Variants in ZFYVE16 observed in about 807,000 individuals in gnomAD.
The protein encoded by ZFYVE16 is zinc finger FYVE domain-containing protein 16.
ZFYVE16 carries 89 observed loss-of-function variants against 138.1 expected under a neutral mutation model. The observed-to-expected ratio is 0.64, with a 90% CI of 0.54 to 0.77. The LOEUF is 0.77. ZFYVE16 is among the 30% of genes least tolerant of loss of function. The pLI, the probability that ZFYVE16 is intolerant of heterozygous loss-of-function variation, is 0.00. For synonymous variants in ZFYVE16, 596 were observed against 618.3 expected (o/e 0.96, Z 0.53); for missense variants, 1,793 against 1,786.7 (o/e 1.00, Z -0.06).
Position 80,438,684 on chromosome 5 carries a change from A to G in ZFYVE16, c.1999A>G (p.Lys667Glu). The change falls in exon 4 of 19, where the codon AAG becomes GAG. Residue 667 changes from lysine (K) to glutamate (E), a missense_variant. Physicochemically the swap from Lys to Glu is moderately conservative, Grantham distance 56 (BLOSUM62 1). This residue lies in a region of ZFYVE16 where 1,295 missense variants were observed against 1,204.3 expected (regional missense o/e 1.08). Transcript: ENST00000505560. ...AACAAGGAGTTCAAAGGACCTGAAT[A>G]AGCCAGATGTTCCAGATACAATAGA... Reference protein sequence around the residue: ...SRTRSSKDLNKPDVPDTIESE... With the variant: ...SRTRSSKDLNEPDVPDTIESE... 1 of 1,614,156 alleles carries G rather than the reference A, an allele frequency of 6.2e-7. No homozygotes were observed. The highest frequency in any genetic ancestry group is 8.5e-7 in the Non-Finnish European group (1 of 1,179,992).
chr5:80,458,725 T>C (rs1161170498), intron 14 of ZFYVE16, among the ~76,000 whole-genome samples: 1 of 152,178 alleles, frequency 6.6e-6, no homozygotes, highest in African/African-American at 2.4e-5. Flanking sequence ...GTAAGATAAA[T>C]TCCCAAAAGT....
At chr5:80,469,873 G>A (rs1754132551) in intron 15 of ZFYVE16, among the ~76,000 whole-genome samples, 1 of 151,232 alleles carries the variant, frequency 6.6e-6, no homozygotes, top group African/African-American at 2.4e-5. Context: ...GTTTTAGTTA[G>A]ATTGTACTTT....
chr5:80,428,283 A>G (rs1013338389), intron 2 of ZFYVE16, among the ~76,000 whole-genome samples: 30 of 152,176 alleles, frequency 2.0e-4, no homozygotes, highest in African/African-American at 7.2e-4. Flanking sequence ...TGAGGCAGCA[A>G]CATTTGCTGT....
Position 80,473,752 on chromosome 5 carries a change from A to G in ZFYVE16, c.4188-2A>G, listed in dbSNP as rs1754613499. On this transcript the variant is annotated splice_acceptor_variant, in intron 16 of 18. Transcript: ENST00000505560. LOFTEE classifies it high-confidence loss of function. ...TCTATTGTATTATGTTTTATTTCAT[A>G]GAGTTATCAGTTCAGTGGATGGAAT... The G allele has an allele frequency of 6.3e-7, 1 of 1,591,920 alleles. No homozygotes were observed. Among genetic ancestry groups the G allele is most frequent in the Non-Finnish European group, 8.6e-7 (1 of 1,164,098 alleles).
intron 7 of ZFYVE16, among the ~76,000 whole-genome samples, chr5:80,446,253 T>G (rs1751338357): frequency 6.6e-6 from 1 of 152,110 alleles, no homozygotes; most frequent in African/African-American, 2.4e-5. Context: ...ACTTTCAGCT[T>G]CAGGACCCCT....
chr5:80,457,819 A>T (rs1246870991), intron 14 of ZFYVE16, among the ~76,000 whole-genome samples: 2 of 151,298 alleles, frequency 1.3e-5, no homozygotes, highest in Non-Finnish European at 2.9e-5. Context: ...CAAGGTCAAG[A>T]ATTGAGACCA....
Position 80,453,345 on chromosome 5 carries a change from C to T in ZFYVE16, c.3607+1636C>T, listed in dbSNP as rs139435067. 5.3e-3 allele frequency among the ~76,000 whole-genome samples: 810 copies of T among 152,212 alleles called. 7 individuals carry two copies. The highest frequency in any genetic ancestry group is 0.018 in the African/African-American group (760 of 41,530). On this transcript the variant is annotated intron_variant, in intron 11 of 18. Coordinates refer to ENST00000505560, the MANE Select transcript of ZFYVE16 (RefSeq NM_001284236.3). ...TCATCAATGCAGCCCAGTATTTTGC[C>T]TCTAATTTAATATTTGAATGCTTTT... is the stretch of plus-strand genomic sequence containing the variant.
chr5:80,421,518 G>T (rs985955096), intron 1 of ZFYVE16, among the ~76,000 whole-genome samples: 1 of 152,138 alleles, frequency 6.6e-6, no homozygotes, highest in Non-Finnish European at 1.5e-5. Context: ...TTTATGGCTA[G>T]CCAGTTTTCC....
chr5:80,428,860 T>C (rs1482702162), intron 2 of ZFYVE16, among the ~76,000 whole-genome samples: 1 of 152,120 alleles, frequency 6.6e-6, no homozygotes, highest in East Asian at 1.9e-4. Context: ...GTATCAGTGA[T>C]TGAAGATCAA....
At chr5:80,426,272 G>GTATATATA (rs200176812) in intron 1 of ZFYVE16, among the ~76,000 whole-genome samples, 10 of 26,390 alleles carry the variant, frequency 3.8e-4, no homozygotes, top group African/African-American at 5.9e-4. Flanking sequence ...GTGTGTGTGT[G>GTATATATA]TATATATATA....
chr5:80,408,587 G>A (rs1744967704), intron 1 of ZFYVE16, among the ~76,000 whole-genome samples: 1 of 152,252 alleles, frequency 6.6e-6, no homozygotes, highest in African/African-American at 2.4e-5. Flanking sequence ...CCGCAGAGGA[G>A]TCTCATCGCC....
chr5:80,457,580 A>T (rs1446612278), intron 14 of ZFYVE16, among the ~76,000 whole-genome samples: 1 of 152,228 alleles, frequency 6.6e-6, no homozygotes, highest in East Asian at 1.9e-4. Context: ...AACAAATTGA[A>T]AGTTAAATGG....
At chr5:80,410,792 TCTC>T (rs573273497) in intron 1 of ZFYVE16, among the ~76,000 whole-genome samples, 612 of 151,480 alleles carry the variant, frequency 4.0e-3, no homozygotes, top group African/African-American at 0.014. Context: ...ATGGTCTCGA[TCTC>T]CTGACCTTGT....
chr5:80,421,940 C>T (rs1207654533), intron 1 of ZFYVE16, among the ~76,000 whole-genome samples: 1 of 152,104 alleles, frequency 6.6e-6, no homozygotes, highest in Non-Finnish European at 1.5e-5. Context: ...ATAGAATGTT[C>T]TTGCATTTGT....
At chr5:80,471,932 A>G (rs1754425472) in intron 15 of ZFYVE16, among the ~76,000 whole-genome samples, 2 of 152,126 alleles carry the variant, frequency 1.3e-5, no homozygotes, top group African/African-American at 4.8e-5. Context: ...TTGCCTATAG[A>G]TTTTGTAAGG....
chr5:80,441,059 T>C, intron 5 of ZFYVE16: 1 of 985,416 alleles, frequency 1.0e-6, no homozygotes, highest in Non-Finnish European at 1.2e-6. Flanking sequence ...AAGAGGTTAG[T>C]TTAAGTGCTT....
chr5:80,429,132 C>A (rs1388128973), intron 2 of ZFYVE16, among the ~76,000 whole-genome samples: 1 of 152,130 alleles, frequency 6.6e-6, no homozygotes, highest in Non-Finnish European at 1.5e-5. Flanking sequence ...TCGAGAAGAG[C>A]AACTCCAAGA....
At chr5:80,459,540 C>A in intron 15 of ZFYVE16, 46 bp downstream of exon 15, 1 of 1,516,484 alleles carries the variant, frequency 6.6e-7, no homozygotes. Context: ...AGTTATTTTT[C>A]CTAACCTTTG....
At chr5:80,471,352 CTG>C (rs1754357258) in intron 15 of ZFYVE16, among the ~76,000 whole-genome samples, 1 of 152,178 alleles carries the variant, frequency 6.6e-6, no homozygotes, top group African/African-American at 2.4e-5. Flanking sequence ...TATGGAAAGA[CTG>C]TGCTTCTGTT....
Sources: gnomAD v4.1 joint callset for allele counts (sites outside exome capture counted in the v4.1 genomes callset) on GRCh38, gnomAD v4.1.1 for gene constraint, gnomAD v4.1.1 regional missense constraint, MANE v1.5 for transcripts, NCBI Gene and HGNC (gene_info 2026-07-23, HGNC 2026-07-21) for gene names.